The following GXYLT1 variants were observed in gnomAD, a reference collection of about 807,000 sequenced individuals.
GXYLT1 encodes the protein glycosyltransferase 8 domain containing 3.
GXYLT1 carries 29 observed loss-of-function variants against 54.0 expected under a neutral mutation model. That is an observed-to-expected ratio of 0.54 (90% CI 0.40 to 0.73). The LOEUF (loss-of-function observed/expected upper bound fraction) is 0.73, where lower values mean the gene tolerates loss of function less well. Among genes scored for constraint, GXYLT1 ranks in the 30% least tolerant of loss-of-function variants. The pLI is 0.00. For synonymous variants in GXYLT1, 176 were observed against 204.1 expected (o/e 0.86, Z 1.17); for missense variants, 490 against 553.4 (o/e 0.89, Z 1.15).
intron 3 of GXYLT1, among the ~76,000 whole-genome samples, chr12:42,115,860 T>C (rs10880244): frequency 0.23 from 27,127 of 116,630 alleles, 3,852 homozygotes; most frequent in South Asian, 0.34. Flanking sequence ...GGAGGCATCA[T>C]GCTACCTGAC....
chr12:42,118,590 T>C (rs34842994), intron 3 of GXYLT1, among the ~76,000 whole-genome samples: 21,814 of 152,286 alleles, frequency 0.14, 1,695 homozygotes, highest in Non-Finnish European at 0.18. Context: ...GGTTTGGCTC[T>C]GTGTTGCCAC....
intron 3 of GXYLT1, among the ~76,000 whole-genome samples, chr12:42,116,744 G>T (rs1399965928): frequency 6.6e-6 from 1 of 152,190 alleles, no homozygotes; most frequent in Non-Finnish European, 1.5e-5. Context: ...TCTAGAACTA[G>T]AAATACCATT....
Position 42,110,414 on chromosome 12 carries a change from T to C in GXYLT1, c.487-723A>G, listed in dbSNP as rs536770086. On this transcript the variant is annotated intron_variant, in intron 3 of 7. Coordinates refer to ENST00000398675, the MANE Select transcript of GXYLT1 (RefSeq NM_173601.2). Reference sequence around the variant, plus strand: ...GGGGGGGAAAAAACTAAGTAGTTTATGTACAGGCTGAATAAAATCTCTTTT... The same window carrying C: ...GGGGGGGAAAAAACTAAGTAGTTTACGTACAGGCTGAATAAAATCTCTTTT... Among the ~76,000 whole-genome samples, 7 of 152,368 alleles carry C rather than the reference T, an allele frequency of 4.6e-5. No individual in the cohort carries two copies. The East Asian group carries it at 1.2e-3, about 25-fold the overall frequency.
chr12:42,141,957 A>G (rs1013079578), intron 1 of GXYLT1, among the ~76,000 whole-genome samples: 1 of 152,238 alleles, frequency 6.6e-6, no homozygotes, highest in Non-Finnish European at 1.5e-5. Context: ...ATGAAATTCT[A>G]TACCATGAAT....
Position 42,097,973 on chromosome 12 carries a change from A to G in GXYLT1, c.925T>C (p.Tyr309His). ...TCACCCCATGTGATGTTTAGTTTGTATTTTTTAAGCAATGGCATAAGTATA... is the reference window on the plus strand; with the variant it reads ...TCACCCCATGTGATGTTTAGTTTGTGTTTTTTAAGCAATGGCATAAGTATA... ...GDILMPLLKK[Y>H]KLNITWGDQD... is the part of the protein sequence containing the mutation. Residue 309 changes from tyrosine to histidine, a missense_variant, in exon 6 of 8, where the codon TAC (tyrosine) becomes CAC (histidine). By Grantham distance (83) the Tyr-to-His change is moderately conservative (BLOSUM62 2). Coordinates refer to ENST00000398675, the MANE Select transcript of GXYLT1 (RefSeq NM_173601.2). 1 of 1,607,088 alleles carries G rather than the reference A, an allele frequency of 6.2e-7. No individual in the cohort carries two copies. Among genetic ancestry groups the G allele is most frequent in the Middle Eastern group, 1.7e-4 (1 of 6,048 alleles).
At chr12:42,141,535 G>T (rs2065652324) in intron 1 of GXYLT1, among the ~76,000 whole-genome samples, 1 of 151,206 alleles carries the variant, frequency 6.6e-6, no homozygotes, top group African/African-American at 2.4e-5. Flanking sequence ...TAGATCTTTA[G>T]TGCTTTCACC....
In GXYLT1 at chr12:42,097,577, T is replaced by A. The variant is rs139072942; in HGVS notation, c.1026A>T (p.Arg342=). The part of the protein sequence containing the change: ...LFVFPCQWNY[R]PDHCIYGSNC... ...TGCTTCCATATATACAATGATCTGG[T>A]CGATAATTCCATTGACACGGAAAAA... The change falls in exon 7 of 8, where the codon CGA becomes CGT. Residue 342 remains arginine (R), a synonymous_variant. Coordinates refer to ENST00000398675, the MANE Select transcript of GXYLT1 (RefSeq NM_173601.2). 6.8e-3 allele frequency: 10,920 copies of A among 1,607,582 alleles called. 52 individuals are homozygous for A. Among genetic ancestry groups the A allele is most frequent in the Non-Finnish European group, 8.2e-3 (9,713 of 1,178,330 alleles).
At chr12:42,131,549 C>G (rs1032805306) in intron 1 of GXYLT1, among the ~76,000 whole-genome samples, 2 of 152,102 alleles carry the variant, frequency 1.3e-5, no homozygotes, top group African/African-American at 4.8e-5. Flanking sequence ...TCTTAACCAA[C>G]AGAAAAAAGT....
chr12:42,116,107 T>C (rs1195546557), intron 3 of GXYLT1, among the ~76,000 whole-genome samples: 2 of 152,056 alleles, frequency 1.3e-5, no homozygotes, highest in Non-Finnish European at 2.9e-5. Context: ...ATCCCTTCCT[T>C]ACACCTTACA....
At chr12:42,091,966 G>C (rs2065331689) in intron 7 of GXYLT1, among the ~76,000 whole-genome samples, 1 of 152,010 alleles carries the variant, frequency 6.6e-6, no homozygotes. Flanking sequence ...TTTTTCTCAG[G>C]CAGTTGTCAG....
chr12:42,132,740 C>T (rs2065599667), intron 1 of GXYLT1, among the ~76,000 whole-genome samples: 1 of 151,880 alleles, frequency 6.6e-6, no homozygotes, highest in African/African-American at 2.4e-5. Context: ...GACCCTCTTG[C>T]AGTATTACAA....
rs1171853223 is a variant in GXYLT1, at chr12:42,144,656, C to G, written c.-10G>C. The G allele has an allele frequency of 9.9e-6, 14 of 1,416,378 alleles. No homozygotes were observed. In the African/African-American group the frequency reaches 2.0e-4, roughly 20 times the overall value. 87.7% of individuals were successfully genotyped at this position (1,416,378 alleles called of 1,614,324 possible). A position where few individuals can be genotyped will look rare whatever the true frequency, so the allele number is the denominator to read the frequency against. ...GCAGGTAGCGCCGCATCGCCCCGGC[C>G]GCGCTCCTCCTTCGCCGCCGCCGCC... On this transcript the variant is annotated 5_prime_UTR_variant, in exon 1 of 8. Coordinates refer to ENST00000398675, the MANE Select transcript of GXYLT1 (RefSeq NM_173601.2).
intron 1 of GXYLT1, among the ~76,000 whole-genome samples, chr12:42,139,085 A>T (rs2065637394): frequency 6.6e-6 from 1 of 151,312 alleles, no homozygotes; most frequent in African/African-American, 2.4e-5. Context: ...AGTCACAGCT[A>T]CTCGGGAAGC....
chr12:42,126,664 G>A (rs1183830299), intron 2 of GXYLT1, among the ~76,000 whole-genome samples: 2 of 152,028 alleles, frequency 1.3e-5, no homozygotes, highest in South Asian at 2.1e-4. Context: ...AGGCCGAGGC[G>A]GCCAGATCAC....
rs76983064 is a variant in GXYLT1, at chr12:42,130,095, G to A, written c.222-244C>T. ...CTATAGATTGGGAAACAGTGTTTCCGTCGGAGAGTCTCCTGATAAAATCCC... is the reference window on the plus strand; with the variant it reads ...CTATAGATTGGGAAACAGTGTTTCCATCGGAGAGTCTCCTGATAAAATCCC... On this transcript the variant is annotated intron_variant, in intron 1 of 7. Transcript: ENST00000398675. Among the ~76,000 whole-genome samples, 991 of 152,296 alleles carry A rather than the reference G, an allele frequency of 6.5e-3. 40 individuals carry two copies. In the East Asian group the frequency reaches 0.089, roughly 14 times the overall value.
In GXYLT1 at chr12:42,095,720, AT is replaced by A. The variant is rs199759526; in HGVS notation, c.1161+1721del. Reference sequence around the variant, plus strand: ...TTGTGAAGTATATTAATATCCCCCTATCAAAAAATGCAATTATATCAACAAA... The same window carrying A: ...TTGTGAAGTATATTAATATCCCCCTACAAAAAATGCAATTATATCAACAAA... On this transcript the variant is annotated intron_variant, in intron 7 of 7. Transcript: ENST00000398675. 6.2e-3 allele frequency among the ~76,000 whole-genome samples: 699 copies of A among 112,388 alleles called. 7 individuals carry two copies. Among genetic ancestry groups the A allele is most frequent in the African/African-American group, 0.019 (639 of 33,808 alleles). The allele number at this position is 112,388 out of a possible 152,430, so 73.7% of individuals were successfully genotyped here. A position where few individuals can be genotyped will look rare whatever the true frequency, so the allele number is the denominator to read the frequency against.
At chr12:42,107,009 A>C (rs1022990102) in intron 4 of GXYLT1, among the ~76,000 whole-genome samples, 1 of 151,934 alleles carries the variant, frequency 6.6e-6, no homozygotes, top group Non-Finnish European at 1.5e-5. Context: ...GGCCTCCCCA[A>C]GTGCTGGGAT....
At chr12:42,117,937 C>A (rs2136904351) in intron 3 of GXYLT1, among the ~76,000 whole-genome samples, 1 of 152,310 alleles carries the variant, frequency 6.6e-6, no homozygotes, top group South Asian at 2.1e-4. Flanking sequence ...TACTGCCCTT[C>A]TTCACTCCCT....
At chr12:42,143,668 T>G (rs952582982) in intron 1 of GXYLT1, among the ~76,000 whole-genome samples, 3 of 152,226 alleles carry the variant, frequency 2.0e-5, no homozygotes, top group Admixed American at 2.0e-4. Context: ...GCATTCATAA[T>G]GCGTTGACAG....
Sources: allele counts gnomAD v4.1 joint callset (sites outside exome capture counted in the v4.1 genomes callset), GRCh38; gene constraint gnomAD v4.1.1; transcripts MANE v1.5; gene names NCBI Gene and HGNC (gene_info 2026-07-23, HGNC 2026-07-21).